Variants in MUSK observed in about 807,000 individuals in gnomAD.
MUSK encodes muscle associated receptor tyrosine kinase, also known as muscle, skeletal receptor tyrosine-protein kinase.
MUSK carries 55 observed loss-of-function variants against 88.7 expected under a neutral mutation model. The ratio of observed to expected loss-of-function variants is 0.62; its 90% CI spans 0.50 to 0.78. MUSK has a LOEUF of 0.78. Among genes scored for constraint, MUSK ranks in the 30% least tolerant of loss-of-function variants. MUSK has a pLI of 0.00. For missense variants in MUSK, 1,015 were observed against 1,074.3 expected, an observed-to-expected ratio of 0.94 and a Z score of 0.77; for synonymous variants, 387 against 391.9, an observed-to-expected ratio of 0.99 and a Z score of 0.15.
At chr9:110,797,952 A>ACCACATGTAG (rs1363059625) in intron 14 of MUSK, among the ~76,000 whole-genome samples, 1 of 152,228 alleles carries the variant, frequency 6.6e-6, no homozygotes, top group East Asian at 1.9e-4. Flanking sequence ...TTCCAATTTA[A>ACCACATGTAG]CCACAGTAGC....
In MUSK at chr9:110,747,872, T is replaced by C. The variant is rs2131878151; in HGVS notation, c.913+72T>C. The C allele has an allele frequency of 3.2e-6, 5 of 1,541,788 alleles. No homozygotes were observed. The East Asian group carries it at 9.0e-5, about 28-fold the overall frequency. On this transcript the variant is annotated intron_variant, in intron 7 of 14. Transcript: ENST00000374448. Reference sequence around the variant, plus strand: ...TGATACTATTCTACAATATCGAGCATTGGAGAAAATCTCCCTTTTCTTTTA... The same window carrying C: ...TGATACTATTCTACAATATCGAGCACTGGAGAAAATCTCCCTTTTCTTTTA...
rs1256845944 is a variant in MUSK at position 110,785,023 on chromosome 9, T to C, written c.1586+7T>C. ...AATGGAAAAATAAGAAAAGGTGAGA[T>C]TCTAGTTTCAGCTAACCATGTGTAG... On this transcript the variant is annotated splice_region_variant and intron_variant, in intron 12 of 14. Coordinates refer to ENST00000374448, the MANE Select transcript of MUSK (RefSeq NM_005592.4). 2.6e-5 allele frequency: 42 copies of C among 1,612,508 alleles called. No individual in the cohort carries two copies. The highest frequency in any genetic ancestry group is 3.5e-5 in the Non-Finnish European group (41 of 1,178,972).
chr9:110,691,955 C>T (rs1193181661), intron 3 of MUSK, among the ~76,000 whole-genome samples: 1 of 152,072 alleles, frequency 6.6e-6, no homozygotes, highest in Non-Finnish European at 1.5e-5. Flanking sequence ...AGTAGATATC[C>T]TCTGTTGCAG....
At chr9:110,678,381 G>A (rs2076057033) in intron 1 of MUSK, among the ~76,000 whole-genome samples, 2 of 151,942 alleles carry the variant, frequency 1.3e-5, no homozygotes, top group South Asian at 4.2e-4. Context: ...TGGGCTCAAT[G>A]GATCATCCTG....
At chr9:110,678,264 A>G (rs1242224835) in intron 1 of MUSK, among the ~76,000 whole-genome samples, 1 of 151,994 alleles carries the variant, frequency 6.6e-6, no homozygotes, top group African/African-American at 2.4e-5. Flanking sequence ...GATGTGTGCC[A>G]CCTGTACCCG....
chr9:110,789,279 G>A (rs58279351), intron 14 of MUSK, among the ~76,000 whole-genome samples: 1 of 152,204 alleles, frequency 6.6e-6, no homozygotes, highest in Admixed American at 6.5e-5. Flanking sequence ...ATCGTGAGAA[G>A]TGATTCTCTT....
intron 1 of MUSK, among the ~76,000 whole-genome samples, chr9:110,680,623 T>A (rs1564208874): frequency 6.6e-6 from 1 of 151,896 alleles, no homozygotes; most frequent in African/African-American, 2.4e-5. Context: ...TGAGCTCAAG[T>A]GATCTGCCCT....
intron 3 of MUSK, among the ~76,000 whole-genome samples, chr9:110,692,995 C>A (rs1271307033): frequency 6.6e-6 from 1 of 152,042 alleles, no homozygotes; most frequent in Non-Finnish European, 1.5e-5. Context: ...AATAGCATGA[C>A]TTTATGGAAT....
At chr9:110,784,663 A>G (rs1222247708) in intron 11 of MUSK, among the ~76,000 whole-genome samples, 152 bp from the exon 12 acceptor site, 4 of 152,200 alleles carry the variant, frequency 2.6e-5, no homozygotes, top group Admixed American at 2.6e-4. Context: ...ACTTACAACT[A>G]GACCTTACTG....
intron 6 of MUSK, among the ~76,000 whole-genome samples, chr9:110,735,785 A>G (rs1236321270): frequency 6.6e-6 from 1 of 152,122 alleles, no homozygotes; most frequent in East Asian, 1.9e-4. Flanking sequence ...ACTTACAATC[A>G]TGGCAGAAAG....
intron 4 of MUSK, among the ~76,000 whole-genome samples, chr9:110,696,121 AC>A (rs911547090): frequency 6.6e-6 from 1 of 152,080 alleles, no homozygotes; most frequent in African/African-American, 2.4e-5. Context: ...TACTAAAAAT[AC>A]AAAAATTAGC....
Position 110,800,950 on chromosome 9 carries a change from C to T in MUSK, c.2572C>T (p.Arg858Cys), listed in dbSNP as rs200450921. 1.2e-5 allele frequency: 19 copies of T among 1,523,278 alleles called. No homozygotes were observed. Among genetic ancestry groups the T allele is most frequent in the East Asian group, 6.8e-5 (3 of 44,140 alleles). The allele number at this position is 1,523,278 out of a possible 1,614,324, so 94.4% of individuals were successfully genotyped here. A position where few individuals can be genotyped will look rare whatever the true frequency, so the allele number is the denominator to read the frequency against. ...CACCAGTATTCACCGAATTCTGGAA[C>T]GCATGTGTGAGAGGGCAGAGGGAAC... is the stretch of plus-strand genomic sequence containing the variant. ...SFTSIHRILE[R>C]MCERAEGTVS... The change falls in exon 15 of 15, where the codon CGC becomes TGC. Residue 858 changes from arginine to cysteine, a missense_variant. Transcript: ENST00000374448.
chr9:110,713,811 C>T (rs1459318418), intron 5 of MUSK, among the ~76,000 whole-genome samples: 1 of 152,062 alleles, frequency 6.6e-6, no homozygotes. Context: ...CTTAATAGAC[C>T]TCAGCTCGTT....
At chr9:110,693,225 A>G (rs1005278757) in intron 3 of MUSK, among the ~76,000 whole-genome samples, 10 of 152,118 alleles carry the variant, frequency 6.6e-5, no homozygotes, top group African/African-American at 1.4e-4. Flanking sequence ...CTCTGGCCCA[A>G]TTGTTCTTGA....
chr9:110,787,231 G>A (rs889314301), intron 13 of MUSK, among the ~76,000 whole-genome samples: 14 of 151,784 alleles, frequency 9.2e-5, no homozygotes, highest in South Asian at 2.1e-4. Context: ...GTGTGGTGGC[G>A]GGTGCCTGTA....
chr9:110,707,107 T>G (rs1460375285), intron 5 of MUSK, among the ~76,000 whole-genome samples: 1 of 151,970 alleles, frequency 6.6e-6, no homozygotes, highest in Admixed American at 6.5e-5. Flanking sequence ...CCCAATACAT[T>G]GGAAGGCCAA....
chr9:110,776,000 A>G (rs376670406), intron 10 of MUSK, 37 bp downstream of exon 10: 97 of 1,549,750 alleles, frequency 6.3e-5, no homozygotes, highest in East Asian at 9.1e-5. Context: ...GGAGGTTAAG[A>G]GAAATTTACT....
At chr9:110,720,044 C>T (rs575721455) in intron 5 of MUSK, among the ~76,000 whole-genome samples, 6 of 151,832 alleles carry the variant, frequency 4.0e-5, no homozygotes, top group South Asian at 2.1e-4. Context: ...TTGGACTGAA[C>T]GATAATAGTA....
At chr9:110,768,171 A>G (rs2077513832) in intron 9 of MUSK, 88 bp downstream of exon 9, 1 of 1,322,168 alleles carries the variant, frequency 7.6e-7, no homozygotes, top group Non-Finnish European at 1.0e-6. Context: ...GTAATATGCA[A>G]CAGTAAAAGG....
Sources: gnomAD v4.1 joint callset for allele counts (sites outside exome capture counted in the v4.1 genomes callset) on GRCh38, gnomAD v4.1.1 for gene constraint, MANE v1.5 for transcripts, NCBI Gene and HGNC (gene_info 2026-07-23, HGNC 2026-07-21) for gene names.